MTPN: variants seen among roughly 807,000 people sequenced by gnomAD.
MTPN encodes the protein granule cell differentiation protein.
A neutral mutation model predicts 13.5 loss-of-function variants in MTPN; 2 were observed. The ratio of observed to expected loss-of-function variants is 0.15; its 90% confidence interval spans 0.06 to 0.47. The LOEUF is 0.47. Among genes scored for constraint, MTPN ranks in the 20% least tolerant of loss-of-function variants. MTPN has a pLI of 0.97. For synonymous variants in MTPN, 46 were observed against 51.7 expected (o/e 0.89, Z 0.48); for missense variants, 79 against 137.9 (o/e 0.57, Z 2.14).
chr7:135,969,591 G>A (rs1799661773), intron 1 of MTPN, among the ~76,000 whole-genome samples: 1 of 151,666 alleles, frequency 6.6e-6, no homozygotes, highest in Non-Finnish European at 1.5e-5. Flanking sequence ...TGTCCAAAAT[G>A]GAAGAAAAAA....
chr7:135,953,060 T>C (rs960466228), intron 1 of MTPN, among the ~76,000 whole-genome samples: 1 of 152,150 alleles, frequency 6.6e-6, no homozygotes, highest in Non-Finnish European at 1.5e-5. Context: ...GCCCTATCAT[T>C]TTACAGCCAC....
chr7:135,942,235 A>G (rs1420800570), intron 3 of MTPN, among the ~76,000 whole-genome samples: 1 of 152,148 alleles, frequency 6.6e-6, no homozygotes. Flanking sequence ...TTCAGACAAA[A>G]AAGTATGTCC....
At chr7:135,951,699 T>C in intron 1 of MTPN, 69 bp from the exon 2 acceptor site, 1 of 970,784 alleles carries the variant, frequency 1.0e-6, no homozygotes, top group Non-Finnish European at 1.6e-6. Context: ...ATGAGGCACC[T>C]GATACTTTTA....
chr7:135,963,622 T>C (rs1418467158), intron 1 of MTPN, among the ~76,000 whole-genome samples: 1 of 152,062 alleles, frequency 6.6e-6, no homozygotes, highest in Non-Finnish European at 1.5e-5. Context: ...TTTTCTGAAA[T>C]GTTAACGTCA....
intron 1 of MTPN, among the ~76,000 whole-genome samples, chr7:135,969,262 AAAG>A (rs1441400372): frequency 2.6e-5 from 4 of 151,220 alleles, no homozygotes; most frequent in Non-Finnish European, 4.4e-5. Context: ...AAGAAAAAAA[AAAG>A]AATGTCAGAA....
chr7:135,951,667 A>C (rs1036095181), intron 1 of MTPN, 37 bp from the exon 2 acceptor site: 3 of 1,406,800 alleles, frequency 2.1e-6, no homozygotes, highest in Non-Finnish European at 3.0e-6. Context: ...TATTTATATG[A>C]ATGGAAGACT....
intron 1 of MTPN, among the ~76,000 whole-genome samples, chr7:135,974,306 G>A (rs896959904): frequency 6.6e-6 from 1 of 152,170 alleles, no homozygotes; most frequent in Non-Finnish European, 1.5e-5. Context: ...TGCTTTGGGA[G>A]GCCGAGGCCA....
chr7:135,960,212 T>C (rs748738692), intron 1 of MTPN, among the ~76,000 whole-genome samples: 28 of 152,212 alleles, frequency 1.8e-4, no homozygotes, highest in Non-Finnish European at 3.8e-4. Context: ...GTACAGGCTA[T>C]GAGTTTGTTT....
rs775355474 is a variant in MTPN at position 135,950,729 on chromosome 7, CCTA to C, written c.187-50_187-48del. The C allele has an allele frequency of 2.7e-5, 39 of 1,430,896 alleles. No homozygotes were observed. The African/African-American group carries it at 4.9e-4, about 18-fold the overall frequency. 88.6% of individuals were successfully genotyped at this position (1,430,896 alleles called of 1,614,324 possible). A position where few individuals can be genotyped will look rare whatever the true frequency, so the allele number is the denominator to read the frequency against. Reference sequence around the variant, plus strand: ...TAACTTTATCTGTTTTTCATTTCTTCCTACTTTCTAGTTTTAACTAGAAAACTC... The same window carrying C: ...TAACTTTATCTGTTTTTCATTTCTTCCTTTCTAGTTTTAACTAGAAAACTC... On this transcript the variant is annotated intron_variant, in intron 2 of 3. Transcript: ENST00000393085.
chr7:135,951,207 T>C (rs1799359540), intron 2 of MTPN, among the ~76,000 whole-genome samples: 1 of 152,168 alleles, frequency 6.6e-6, no homozygotes, highest in Admixed American at 6.5e-5. Context: ...CTATGCTGTA[T>C]TACATCATAG....
chr7:135,950,727 T>C, intron 2 of MTPN, 45 bp from the exon 3 acceptor site: 1 of 1,436,720 alleles, frequency 7.0e-7, no homozygotes, highest in Non-Finnish European at 9.7e-7. Context: ...TTTTCATTTC[T>C]TCCTACTTTC....
chr7:135,953,753 A>AAT (rs1416243963), intron 1 of MTPN, among the ~76,000 whole-genome samples: 1 of 152,190 alleles, frequency 6.6e-6, no homozygotes, highest in Non-Finnish European at 1.5e-5. Context: ...GTGTATTTCA[A>AAT]ATATATATTT....
chr7:135,932,498 A>AT (rs1799038953), intron 3 of MTPN: 1 of 152,060 alleles, frequency 6.6e-6, no homozygotes. Flanking sequence ...TTTCCTAATT[A>AT]TGATGCAAAC....
At chr7:135,956,389 T>C (rs565978978) in intron 1 of MTPN, among the ~76,000 whole-genome samples, 8 of 152,234 alleles carry the variant, frequency 5.3e-5, no homozygotes, top group Admixed American at 5.2e-4. Flanking sequence ...ATTCTGGGGA[T>C]AGAGAAGAGA....
intron 1 of MTPN, among the ~76,000 whole-genome samples, chr7:135,972,205 ACACACGCG>A (rs774954595): frequency 1.7e-4 from 23 of 138,204 alleles, no homozygotes; most frequent in South Asian, 1.4e-3. Flanking sequence ...GGTTATAAAT[ACACACGCG>A]CACACGCGCA....
At chr7:135,951,298 C>T (rs1799360887) in intron 2 of MTPN, among the ~76,000 whole-genome samples, 1 of 152,108 alleles carries the variant, frequency 6.6e-6, no homozygotes, top group South Asian at 2.1e-4. Context: ...ACATACTAAC[C>T]TTCAATTTTT....
In MTPN at chr7:135,929,651, C is replaced by T. The variant is rs933321361; in HGVS notation, c.*275G>A. On this transcript the variant is annotated 3_prime_UTR_variant, in exon 4 of 4. Coordinates refer to ENST00000393085, the MANE Select transcript of MTPN (RefSeq NM_145808.4). ...ATGTTACTGGTGTATTTTGTCTTTG[C>T]TCTCCCTTGGGTATAAGGTGTATAT... 2.7e-5 allele frequency: 10 copies of T among 373,014 alleles called. No homozygotes were observed. The highest frequency in any genetic ancestry group is 2.0e-4 in the Admixed American group (5 of 25,202). The allele number at this position is 373,014 out of a possible 1,614,324, so 23.1% of individuals were successfully genotyped here.
intron 1 of MTPN, among the ~76,000 whole-genome samples, chr7:135,961,589 T>C (rs1451675085): frequency 2.0e-5 from 3 of 151,932 alleles, no homozygotes; most frequent in African/African-American, 7.2e-5. Context: ...TTTGAACTCC[T>C]GGGCTAAAGC....
chr7:135,927,964 A>C lies in MTPN; in HGVS notation c.*1962T>G. The C allele has an allele frequency of 3.3e-6, 1 of 301,530 alleles. No homozygotes were observed. The highest frequency in any genetic ancestry group is 6.8e-6 in the Non-Finnish European group (1 of 147,816). 18.7% of individuals were successfully genotyped at this position (301,530 alleles called of 1,614,324 possible). A position where few individuals can be genotyped will look rare whatever the true frequency, so the allele number is the denominator to read the frequency against. On this transcript the variant is annotated 3_prime_UTR_variant, in exon 4 of 4. Coordinates refer to ENST00000393085, the MANE Select transcript of MTPN (RefSeq NM_145808.4). Reference sequence around the variant, plus strand: ...AAAATTATATAAAGGGAAAAATTCAAGCCTTTAAATAGCATTATGTCAAGA... The same window carrying C: ...AAAATTATATAAAGGGAAAAATTCACGCCTTTAAATAGCATTATGTCAAGA...
Sources: gnomAD v4.1 joint callset for allele counts (sites outside exome capture counted in the v4.1 genomes callset) on GRCh38, gnomAD v4.1.1 for gene constraint, MANE v1.5 for transcripts, NCBI Gene and HGNC (gene_info 2026-07-23, HGNC 2026-07-21) for gene names.